CFAP47: variants seen among roughly 807,000 people sequenced by gnomAD.
The protein encoded by CFAP47 is cilia- and flagella-associated protein 47.
In CFAP47, 29 loss-of-function variants were observed where a neutral mutation model predicts 148.1. The observed-to-expected ratio is 0.20, with a 90% CI of 0.15 to 0.27. CFAP47 has a LOEUF of 0.27. Ranked by LOEUF, CFAP47 falls within the 10% of genes least tolerant of loss-of-function variation. The pLI is 1.00. For synonymous variants in CFAP47, 664 were observed against 577.3 expected, an observed-to-expected ratio of 1.15 and a Z score of -2.15; for missense variants, 1,872 against 1,697.5, an observed-to-expected ratio of 1.10 and a Z score of -1.81.
At chrX:35,997,411 G>A in intron 19 of CFAP47, 22 bp downstream of exon 19, 1 of 293,781 alleles carries the variant, frequency 3.4e-6, no homozygotes, top group Non-Finnish European at 6.0e-6. Context: ...ACTTATTTGT[G>A]TGATGAAACT....
At chrX:36,196,276 C>G (rs782261292) in intron 42 of CFAP47, among the ~76,000 whole-genome samples, 1 of 111,545 alleles carries the variant, frequency 9.0e-6, no homozygotes, top group South Asian at 3.7e-4. Context: ...TTAATGATCT[C>G]TCTTTAGCAT....
Position 36,041,689 on chromosome X carries a change from C to T in CFAP47, c.4007+2510C>T, listed in dbSNP as rs147859635. Among the ~76,000 whole-genome samples the T allele has an allele frequency of 3.9e-4, 43 of 110,412 alleles. No individual in the cohort carries two copies. In the East Asian group the frequency reaches 5.4e-3, roughly 14 times the overall value. On this transcript the variant is annotated intron_variant, in intron 25 of 63. Coordinates refer to ENST00000378653, the MANE Select transcript of CFAP47 (RefSeq NM_001304548.2). Reference sequence around the variant, plus strand: ...AGAATCTACCAGCACTTTGGGAGGCCGAGGCGGGCGGATCACGAGGTCACA... The same window carrying T: ...AGAATCTACCAGCACTTTGGGAGGCTGAGGCGGGCGGATCACGAGGTCACA...
At position 35,966,668 on chromosome X, in the gene CFAP47, C is replaced by T. The variant is rs762876322; in HGVS notation, c.1514C>T (p.Ser505Leu). ...GCAGAAGAAGATTTGCAATCTTTGTCGGTAAAATCTTTCCATCACGTATAT... is the reference window on the plus strand; with the variant it reads ...GCAGAAGAAGATTTGCAATCTTTGTTGGTAAAATCTTTCCATCACGTATAT... ...LVAEEDLQSL[S>L]VKSFHHVYLA... Residue 505 changes from serine (S) to leucine (L), a missense_variant, in exon 9 of 64, where the codon TCG (serine) becomes TTG (leucine). Transcript: ENST00000378653. 1.4e-5 allele frequency: 16 copies of T among 1,178,213 alleles called. No individual in the cohort carries two copies. The highest frequency in any genetic ancestry group is 3.8e-5 in the South Asian group (2 of 52,006).
chrX:36,053,664 C>A (rs1447499675), intron 26 of CFAP47, among the ~76,000 whole-genome samples: 2 of 111,957 alleles, frequency 1.8e-5, no homozygotes, highest in Non-Finnish European at 3.8e-5. Context: ...CATGGTTAAT[C>A]TATTCAAACA....
At chrX:36,079,101 C>T (rs1937923517) in intron 29 of CFAP47, among the ~76,000 whole-genome samples, 1 of 111,580 alleles carries the variant, frequency 9.0e-6, no homozygotes. Flanking sequence ...TCTCTGGCTG[C>T]TCTTAGCATT....
chrX:36,067,699 G>T (rs1182169823), intron 27 of CFAP47, among the ~76,000 whole-genome samples: 1 of 96,457 alleles, frequency 1.0e-5, no homozygotes, highest in Non-Finnish European at 2.0e-5. Flanking sequence ...GTCTCGCTCT[G>T]TCTCCTAGGC....
At chrX:36,200,620 A>G (rs1344941735) in intron 43 of CFAP47, 127 bp downstream of exon 43, 3 of 280,737 alleles carry the variant, frequency 1.1e-5, no homozygotes, top group Non-Finnish European at 1.9e-5. Context: ...GGCTTCTTTT[A>G]ACTTTATTAT....
chrX:36,248,649 A>C (rs1555997638), intron 48 of CFAP47, among the ~76,000 whole-genome samples: 1 of 109,288 alleles, frequency 9.2e-6, no homozygotes, highest in African/African-American at 3.3e-5. Context: ...CAGTAGATCA[A>C]CATAGATATA....
intron 45 of CFAP47, among the ~76,000 whole-genome samples, chrX:36,217,402 C>T (rs782425939): frequency 9.0e-6 from 1 of 110,970 alleles, no homozygotes; most frequent in South Asian, 3.8e-4. Flanking sequence ...GGGTCTTTAA[C>T]TGTGGAATTG....
intron 29 of CFAP47, among the ~76,000 whole-genome samples, chrX:36,076,127 C>G (rs1937848437): frequency 9.1e-6 from 1 of 110,004 alleles, no homozygotes; most frequent in Non-Finnish European, 1.9e-5. Context: ...AGTAGCTGAT[C>G]TTACTTGCAT....
At chrX:35,939,548 G>A (rs1410420322) in intron 2 of CFAP47, among the ~76,000 whole-genome samples, 1 of 92,230 alleles carries the variant, frequency 1.1e-5, no homozygotes, top group Non-Finnish European at 2.1e-5. Context: ...TGCGGTGTTT[G>A]GTTTTTTGTT....
chrX:36,021,340 G>A (rs1937155811), intron 22 of CFAP47, among the ~76,000 whole-genome samples: 1 of 109,833 alleles, frequency 9.1e-6, no homozygotes, highest in Non-Finnish European at 1.9e-5. Context: ...GTCTTGCTTT[G>A]TTGCCCAGGC....
At position 35,991,813 on chromosome X, in the gene CFAP47, G is replaced by A. The variant is rs771756247; in HGVS notation, c.2845-8G>A. On this transcript the variant is annotated splice_polypyrimidine_tract_variant and splice_region_variant and intron_variant, in intron 16 of 63. Coordinates refer to ENST00000378653, the MANE Select transcript of CFAP47 (RefSeq NM_001304548.2). Reference sequence around the variant, plus strand: ...ATTGTGTTTTTTCTTTCCTCCTCTCGTTATTAGCTTGGTCGCACCAAGGTT... The same window carrying A: ...ATTGTGTTTTTTCTTTCCTCCTCTCATTATTAGCTTGGTCGCACCAAGGTT... 127 of 292,532 alleles carry A rather than the reference G, an allele frequency of 4.3e-4. No homozygotes were observed. Among genetic ancestry groups the A allele is most frequent in the African/African-American group, 3.2e-3 (116 of 36,029 alleles). 24.1% of individuals were successfully genotyped at this position (292,532 alleles called of 1,213,427 possible).
intron 48 of CFAP47, among the ~76,000 whole-genome samples, chrX:36,245,417 A>G (rs782171959): frequency 6.2e-5 from 7 of 112,068 alleles, no homozygotes; most frequent in Non-Finnish European, 1.3e-4. Context: ...TGCAGACAAT[A>G]TGGTTCTACA....
intron 48 of CFAP47, 125 bp downstream of exon 48, chrX:36,236,984 A>G (rs965028319): frequency 4.9e-6 from 2 of 406,404 alleles, no homozygotes; most frequent in Admixed American, 4.9e-5. Flanking sequence ...AATGTCACAT[A>G]AGATGTCTAC....
intron 36 of CFAP47, among the ~76,000 whole-genome samples, chrX:36,147,757 A>G (rs1939255606): frequency 8.9e-6 from 1 of 112,306 alleles, no homozygotes; most frequent in Non-Finnish European, 1.9e-5. Flanking sequence ...CTAAGAAAAT[A>G]ATTAATCTTT....
intron 45 of CFAP47, among the ~76,000 whole-genome samples, chrX:36,210,783 A>G (rs1166369295): frequency 8.9e-6 from 1 of 112,242 alleles, no homozygotes; most frequent in African/African-American, 3.2e-5. Context: ...CCATTGCCAA[A>G]TGTGAGGTCA....
intron 49 of CFAP47, among the ~76,000 whole-genome samples, chrX:36,259,628 A>C (rs1474934971): frequency 9.0e-6 from 1 of 111,591 alleles, no homozygotes; most frequent in East Asian, 2.8e-4. Context: ...CAGAGCTGGA[A>C]TTGGAACCTG....
chrX:36,377,072 C>T (rs1440611721), intron 62 of CFAP47, among the ~76,000 whole-genome samples: 7 of 110,991 alleles, frequency 6.3e-5, no homozygotes, highest in Non-Finnish European at 9.4e-5. Context: ...TGAATAATGC[C>T]GCAATAAACA....
Sources: allele counts gnomAD v4.1 joint callset (sites outside exome capture counted in the v4.1 genomes callset), GRCh38; gene constraint gnomAD v4.1.1; transcripts MANE v1.5; gene names NCBI Gene and HGNC (gene_info 2026-07-23, HGNC 2026-07-21).